JMJD1C: variants seen among roughly 807,000 people sequenced by gnomAD.
JMJD1C encodes the protein jumonji domain-containing protein 1C.
In JMJD1C, 31 loss-of-function variants were observed where a neutral mutation model predicts 245.3. The observed-to-expected ratio is 0.13, with a 90% CI of 0.09 to 0.17. The LOEUF (loss-of-function observed/expected upper bound fraction) is 0.17, where lower values mean the gene tolerates loss of function less well. Among genes scored for constraint, JMJD1C ranks in the 10% least tolerant of loss-of-function variants. The pLI, the probability that JMJD1C is intolerant of heterozygous loss-of-function variation, is 1.00. For synonymous variants in JMJD1C, 1,057 were observed against 1,017.4 expected (o/e 1.04, Z -0.74); for missense variants, 2,691 against 3,000.2 (o/e 0.90, Z 2.41).
At chr10:63,326,259 C>T (rs916993308) in intron 2 of JMJD1C, among the ~76,000 whole-genome samples, 1 of 152,008 alleles carries the variant, frequency 6.6e-6, no homozygotes, top group Non-Finnish European at 1.5e-5. Flanking sequence ...CTTTGGAAGG[C>T]CGAGACAGGC....
intron 1 of JMJD1C, among the ~76,000 whole-genome samples, chr10:63,512,289 CT>C (rs34129211): frequency 0.036 from 5,322 of 148,514 alleles, 252 homozygotes; most frequent in African/African-American, 0.11. Context: ...TCTCTCTGAA[CT>C]TTTTTTTTTT....
At chr10:63,458,264 T>C (rs1589786341) in intron 1 of JMJD1C, among the ~76,000 whole-genome samples, 2 of 152,162 alleles carry the variant, frequency 1.3e-5, no homozygotes, top group East Asian at 1.9e-4. Flanking sequence ...GGCAGGAGGA[T>C]TGCTTGAGCC....
In JMJD1C at chr10:63,234,493, T is replaced by TAAAAAAAAAAAAAAAA. The variant is rs71025129; in HGVS notation, c.448-14526_448-14511dup. 3.0e-4 allele frequency among the ~76,000 whole-genome samples: 11 copies of TAAAAAAAAAAAAAAAA among 37,034 alleles called. 1 individual carries two copies. The highest frequency in any genetic ancestry group is 9.3e-4 in the East Asian group (1 of 1,072). The allele number at this position is 37,034 out of a possible 152,430, so 24.3% of individuals were successfully genotyped here. A position where few individuals can be genotyped will look rare whatever the true frequency, so the allele number is the denominator to read the frequency against. On this transcript the variant is annotated intron_variant, in intron 3 of 25. Coordinates refer to ENST00000399262, the MANE Select transcript of JMJD1C (RefSeq NM_032776.3). ...TCATCAACAGAGAGAAACCTCCTCT[T>TAAAAAAAAAAAAAAAA]AAAAAAAAAAAAAAAAAAAAAAAAA...
At chr10:63,372,716 T>C (rs925372786) in intron 2 of JMJD1C, among the ~76,000 whole-genome samples, 4 of 152,218 alleles carry the variant, frequency 2.6e-5, no homozygotes, top group Non-Finnish European at 5.9e-5. Context: ...GAACCATACA[T>C]AGATGACTAA....
intron 1 of JMJD1C, among the ~76,000 whole-genome samples, chr10:63,464,290 T>C (rs1261610653): frequency 6.6e-6 from 1 of 152,144 alleles, no homozygotes; most frequent in Non-Finnish European, 1.5e-5. Context: ...ACATGCCGCA[T>C]TAACCATATC....
intron 22 of JMJD1C, among the ~76,000 whole-genome samples, chr10:63,182,432 C>T (rs1843602346): frequency 6.6e-6 from 1 of 151,978 alleles, no homozygotes; most frequent in Non-Finnish European, 1.5e-5. Flanking sequence ...AAATTTCAGA[C>T]CAGTATGGAA....
chr10:63,387,450 A>G (rs910650284), intron 1 of JMJD1C, among the ~76,000 whole-genome samples: 1 of 151,962 alleles, frequency 6.6e-6, no homozygotes, highest in Non-Finnish European at 1.5e-5. Flanking sequence ...GATATGAATG[A>G]AAAATTCACC....
intron 1 of JMJD1C, among the ~76,000 whole-genome samples, chr10:63,454,517 G>A (rs1482882695): frequency 6.6e-6 from 1 of 151,844 alleles, no homozygotes; most frequent in Non-Finnish European, 1.5e-5. Context: ...TCCACCTCCT[G>A]GTTTCAAGCA....
At chr10:63,380,509 A>G (rs752353263) in intron 1 of JMJD1C, 27 bp from the exon 2 acceptor site, 22 of 1,576,838 alleles carry the variant, frequency 1.4e-5, no homozygotes, top group Non-Finnish European at 1.9e-5. Flanking sequence ...ACAAAATTCA[A>G]TTAGCAAAAT....
intron 1 of JMJD1C, among the ~76,000 whole-genome samples, chr10:63,475,074 A>G (rs1384983214): frequency 6.6e-6 from 1 of 152,158 alleles, no homozygotes; most frequent in African/African-American, 2.4e-5. Flanking sequence ...GTAAAGATAA[A>G]TCATGAAAAT....
chr10:63,466,126 C>A (rs530526572), upstream of JMJD1C: 6 of 175,014 alleles, frequency 3.4e-5, no homozygotes, highest in South Asian at 2.4e-4. Flanking sequence ...CCACTGGGTC[C>A]GTCCAGATCC....
chr10:63,296,023 T>TTTTTC (rs1859392679), intron 2 of JMJD1C, among the ~76,000 whole-genome samples: 1 of 119,210 alleles, frequency 8.4e-6, no homozygotes, highest in South Asian at 2.8e-4. Context: ...ATTTTTTTTT[T>TTTTTC]TTTCTTAGAT....
intron 3 of JMJD1C, among the ~76,000 whole-genome samples, chr10:63,221,394 A>C (rs942824151): frequency 6.6e-6 from 1 of 152,218 alleles, no homozygotes; most frequent in Non-Finnish European, 1.5e-5. Flanking sequence ...ATATGTACTT[A>C]AACATAGTGA....
chr10:63,355,953 C>G (rs1944806688), intron 2 of JMJD1C, among the ~76,000 whole-genome samples: 1 of 152,144 alleles, frequency 6.6e-6, no homozygotes, highest in East Asian at 1.9e-4. Flanking sequence ...AAAATAAATT[C>G]ATCTTGTGTT....
At position 63,500,858 on chromosome 10, in the gene JMJD1C, T is replaced by C. The variant is rs149502190; in HGVS notation, n.113+20880A>G. On this transcript the variant is annotated intron_variant and non_coding_transcript_variant, in intron 1 of 3. Coordinates refer to the JMJD1C transcript ENST00000633035. ...ACAGATGGATGGATGGATGGATGGA[T>C]AGATAGATAAATGTATGTTTAACTA... Among the ~76,000 whole-genome samples the C allele has an allele frequency of 2.1e-3, 324 of 151,882 alleles. 3 individuals carry two copies. The South Asian group carries it at 0.029, about 14-fold the overall frequency.
In JMJD1C at chr10:63,420,708, C is replaced by A. The variant is rs1257077144; in HGVS notation, c.169-40226G>T. ...CCAGCCTGGGTAACAAAACGAGACC[C>A]AGTCTCAAAAAAAAAAAAAAAAAAA... is the stretch of plus-strand genomic sequence containing the variant. On this transcript the variant is annotated intron_variant, in intron 1 of 25. Coordinates refer to ENST00000399262, the MANE Select transcript of JMJD1C (RefSeq NM_032776.3). Among the ~76,000 whole-genome samples the A allele has an allele frequency of 8.1e-5, 9 of 110,514 alleles. No homozygotes were observed. The Admixed American group carries it at 8.6e-4, about 11-fold the overall frequency. The allele number at this position is 110,514 out of a possible 152,430, so 72.5% of individuals were successfully genotyped here.
intron 1 of JMJD1C, among the ~76,000 whole-genome samples, chr10:63,503,691 A>G (rs1179123243): frequency 6.6e-6 from 1 of 152,218 alleles, no homozygotes; most frequent in Non-Finnish European, 1.5e-5. Flanking sequence ...AAGTTGACTC[A>G]ACATTATTCT....
At chr10:63,475,233 C>T (rs905001739) in intron 1 of JMJD1C, among the ~76,000 whole-genome samples, 9 of 152,100 alleles carry the variant, frequency 5.9e-5, no homozygotes, top group Non-Finnish European at 7.4e-5. Flanking sequence ...GAACCCTGGA[C>T]AGCTAAGGAT....
At position 63,214,692 on chromosome 10, in the gene JMJD1C, T is replaced by C; in HGVS notation, c.1475A>G (p.Glu492Gly). 1 of 1,613,958 alleles carries C rather than the reference T, an allele frequency of 6.2e-7. No homozygotes were observed. The highest frequency in any genetic ancestry group is 8.5e-7 in the Non-Finnish European group (1 of 1,179,872). Residue 492 changes from glutamate (E) to glycine (G), a missense_variant, in exon 8 of 26, where the codon GAA (glutamate) becomes GGA (glycine). Glu to Gly is a moderately conservative substitution (Grantham distance 98). Transcript: ENST00000399262. ...TACAAACTTCTCCTTTGGTAGCAAT[T>C]CCATGGTATGTGTTTTATCCATATT... is the stretch of plus-strand genomic sequence containing the variant. The part of the protein sequence containing the change: ...ECNMDKTHTM[E>G]LLPKEKFVSR...
Sources: allele counts gnomAD v4.1 joint callset (sites outside exome capture counted in the v4.1 genomes callset), GRCh38; gene constraint gnomAD v4.1.1; transcripts MANE v1.5; gene names NCBI Gene and HGNC (gene_info 2026-07-23, HGNC 2026-07-21).